DCUN1D4: variants seen among roughly 807,000 people sequenced by gnomAD.
DCUN1D4 encodes DCN1-like protein 4.
Under a neutral mutation model 47.9 loss-of-function variants are expected in DCUN1D4, and 22 were observed. The observed-to-expected ratio is 0.46, with a 90% CI of 0.33 to 0.66. DCUN1D4 has a LOEUF of 0.66. Ranked by LOEUF, DCUN1D4 falls within the 30% of genes least tolerant of loss-of-function variation. The pLI, the probability that DCUN1D4 is intolerant of heterozygous loss-of-function variation, is 0.02. For synonymous variants in DCUN1D4, 121 were observed against 112.2 expected, an observed-to-expected ratio of 1.08 and a Z score of -0.50; for missense variants, 301 against 340.8, an observed-to-expected ratio of 0.88 and a Z score of 0.92.
Position 51,843,187 on chromosome 4 carries a change from G to T in DCUN1D4, c.-56G>T. The stretch of plus-strand genomic sequence containing the variant: ...CCGAGGTGCAGTGAGCTGGTGGGGG[G>T]ACCGCGAGGCGAGCGCGGGAGCCTG... On this transcript the variant is annotated 5_prime_UTR_variant, in exon 1 of 11. Coordinates refer to ENST00000334635, the MANE Select transcript of DCUN1D4 (RefSeq NM_001040402.3). 1 of 1,536,058 alleles carries T rather than the reference G, an allele frequency of 6.5e-7. No homozygotes were observed. The highest frequency in any genetic ancestry group is 1.4e-5 in the African/African-American group (1 of 72,010).
At position 51,915,921 on chromosome 4, in the gene DCUN1D4, C is replaced by A. The variant is rs1290712262; in HGVS notation, c.*2337C>A. 1 of 152,428 alleles carries A rather than the reference C, an allele frequency of 6.6e-6. No homozygotes were observed. Among genetic ancestry groups the A allele is most frequent in the Non-Finnish European group, 1.5e-5 (1 of 67,980 alleles). The allele number at this position is 152,428 out of a possible 1,614,324, so 9.4% of individuals were successfully genotyped here. A position where few individuals can be genotyped will look rare whatever the true frequency, so the allele number is the denominator to read the frequency against. On this transcript the variant is annotated 3_prime_UTR_variant, in exon 11 of 11. Coordinates refer to ENST00000334635, the MANE Select transcript of DCUN1D4 (RefSeq NM_001040402.3). ...TCTTTAAACTGCCTTGAAAAATAAA[C>A]CTCTTTGACTGCTGAGCGGCAGAGT...
intron 7 of DCUN1D4, among the ~76,000 whole-genome samples, chr4:51,894,131 C>T (rs984395111): frequency 1.3e-5 from 2 of 152,094 alleles, no homozygotes; most frequent in African/African-American, 4.8e-5. Flanking sequence ...TTGATCCTTG[C>T]AATTCAGGGT....
intron 1 of DCUN1D4, among the ~76,000 whole-genome samples, chr4:51,853,948 G>A (rs946483842): frequency 2.0e-5 from 3 of 152,152 alleles, no homozygotes; most frequent in Admixed American, 1.3e-4. Context: ...GCACAGTGCA[G>A]CATTAACTCA....
At chr4:51,846,113 C>G (rs919614765) in intron 1 of DCUN1D4, among the ~76,000 whole-genome samples, 3 of 152,028 alleles carry the variant, frequency 2.0e-5, no homozygotes. Flanking sequence ...CTATTATATC[C>G]CAAAGGGCAG....
At chr4:51,838,646 G>C (rs1288448950), upstream of DCUN1D4, among the ~76,000 whole-genome samples, 1 of 152,174 alleles carries the variant, frequency 6.6e-6, no homozygotes, top group Non-Finnish European at 1.5e-5. Context: ...GCCTCCGAAA[G>C]TGCTGGGGTT....
chr4:51,840,711 A>G (rs1487543173), upstream of DCUN1D4, among the ~76,000 whole-genome samples: 3 of 152,230 alleles, frequency 2.0e-5, no homozygotes, highest in South Asian at 2.1e-4. Flanking sequence ...AAAGATAACT[A>G]TAACAAGTTT....
chr4:51,873,384 G>C (rs1042270236), intron 3 of DCUN1D4, among the ~76,000 whole-genome samples: 3 of 152,230 alleles, frequency 2.0e-5, no homozygotes, highest in African/African-American at 7.2e-5. Context: ...CTTGTACCAA[G>C]GTGGGGTATT....
chr4:51,866,590 C>A (rs562773133), intron 3 of DCUN1D4, among the ~76,000 whole-genome samples: 103 of 152,204 alleles, frequency 6.8e-4, no homozygotes, highest in African/African-American at 2.2e-3. Flanking sequence ...GATTTATGTA[C>A]ACTTATGCTT....
intron 7 of DCUN1D4, among the ~76,000 whole-genome samples, chr4:51,897,508 T>G (rs1208525637): frequency 6.6e-6 from 1 of 152,236 alleles, no homozygotes; most frequent in Non-Finnish European, 1.5e-5. Context: ...TCTTTAATAT[T>G]GCTGGTGAAA....
At chr4:51,834,069 TCTCTCTCTCTCTCTC>T in the DCUN1D4 span, among the ~76,000 whole-genome samples, 7 of 142,086 alleles carry the variant, frequency 4.9e-5, no homozygotes, top group African/African-American at 1.4e-4. Context: ...TCTCTCTCTC[TCTCTCTCTCTCTCTC>T]TCTTTTCTTT....
intron 9 of DCUN1D4, among the ~76,000 whole-genome samples, chr4:51,912,700 A>AT (rs1408867515): frequency 2.0e-5 from 3 of 152,214 alleles, no homozygotes; most frequent in Non-Finnish European, 4.4e-5. Flanking sequence ...TTATGATCAG[A>AT]TTCGAGTTTT....
At chr4:51,837,433 C>G in the DCUN1D4 span, among the ~76,000 whole-genome samples, 3 of 151,170 alleles carry the variant, frequency 2.0e-5, no homozygotes, top group East Asian at 2.0e-4. Context: ...TTTGGGAGGC[C>G]GAGGCGGGCG....
At chr4:51,864,277 C>T (rs1404529943) in intron 3 of DCUN1D4, among the ~76,000 whole-genome samples, 6 of 152,160 alleles carry the variant, frequency 3.9e-5, no homozygotes, top group Non-Finnish European at 7.3e-5. Context: ...CCAGAGTTTG[C>T]TCCTATGTGA....
chr4:51,836,487 G>T, the DCUN1D4 span, among the ~76,000 whole-genome samples: 2 of 152,162 alleles, frequency 1.3e-5, no homozygotes, highest in African/African-American at 4.8e-5. Context: ...TGGAACCATA[G>T]ATTTTTCTTC....
At chr4:51,844,541 C>G (rs998435865) in intron 1 of DCUN1D4, 7 of 345,168 alleles carry the variant, frequency 2.0e-5, no homozygotes, top group African/African-American at 6.7e-5. Flanking sequence ...GTCGGGGTCC[C>G]TGGCAGTCCG....
chr4:51,907,275 G>T (rs538972902), intron 8 of DCUN1D4, among the ~76,000 whole-genome samples: 14 of 152,280 alleles, frequency 9.2e-5, no homozygotes, highest in African/African-American at 2.9e-4. Context: ...TGCAAACATT[G>T]TTGTCTCTAA....
At chr4:51,841,196 C>A (rs1310949273), upstream of DCUN1D4, among the ~76,000 whole-genome samples, 1 of 151,300 alleles carries the variant, frequency 6.6e-6, no homozygotes, top group Non-Finnish European at 1.5e-5. Flanking sequence ...CTTTTCTGTG[C>A]AAAATAACAT....
At chr4:51,885,144 A>T (rs1437927352) in intron 5 of DCUN1D4, among the ~76,000 whole-genome samples, 3 of 151,888 alleles carry the variant, frequency 2.0e-5, no homozygotes, top group Non-Finnish European at 2.9e-5. Context: ...GGCTCTAGGG[A>T]GCCATTGAAG....
intron 4 of DCUN1D4, 58 bp downstream of exon 4, chr4:51,874,443 T>G: frequency 7.8e-7 from 1 of 1,289,232 alleles, no homozygotes; most frequent in Non-Finnish European, 1.1e-6. Flanking sequence ...GATGCACATT[T>G]CTACCTAATT....
Sources: allele counts gnomAD v4.1 joint callset (sites outside exome capture counted in the v4.1 genomes callset), GRCh38; gene constraint gnomAD v4.1.1; transcripts MANE v1.5; gene names NCBI Gene and HGNC (gene_info 2026-07-23, HGNC 2026-07-21).